SPON1: variants seen among roughly 807,000 people sequenced by gnomAD.
SPON1 encodes the protein spondin 1.
A neutral mutation model predicts 111.7 loss-of-function variants in SPON1; 52 were observed. The ratio of observed to expected loss-of-function variants is 0.47; its 90% CI spans 0.37 to 0.59. The LOEUF (loss-of-function observed/expected upper bound fraction) is 0.59, where lower values mean the gene tolerates loss of function less well. Ranked by LOEUF, SPON1 falls within the 20% of genes least tolerant of loss-of-function variation. SPON1 has a pLI of 0.00. For missense variants in SPON1, 957 were observed against 1,068.5 expected (o/e 0.90, Z 1.46); for synonymous variants, 410 against 395.8 (o/e 1.04, Z -0.43).
chr11:14,087,905 G>T (rs1362033327), intron 5 of SPON1, among the ~76,000 whole-genome samples: 1 of 152,074 alleles, frequency 6.6e-6, no homozygotes, highest in African/African-American at 2.4e-5. Flanking sequence ...GCCCTTCTTT[G>T]TCTTTTTTGA....
chr11:14,035,079 GTACTATTCACTTT>G (rs1848584593), intron 2 of SPON1, among the ~76,000 whole-genome samples: 1 of 152,214 alleles, frequency 6.6e-6, no homozygotes, highest in Admixed American at 6.5e-5. Flanking sequence ...TGAAGCAAAA[GTACTATTCACTTT>G]TACCAAGTAC....
intron 1 of SPON1, among the ~76,000 whole-genome samples, chr11:13,970,702 T>G (rs1160040325): frequency 1.3e-5 from 2 of 152,232 alleles, no homozygotes; most frequent in Non-Finnish European, 2.9e-5. Flanking sequence ...ATCCTTGCTC[T>G]TCATGCCTGG....
chr11:14,180,414 A>G (rs1554933580), intron 6 of SPON1, among the ~76,000 whole-genome samples: 1 of 152,198 alleles, frequency 6.6e-6, no homozygotes, highest in African/African-American at 2.4e-5. Flanking sequence ...TCCTCCGCAG[A>G]TATTTCATGC....
intron 5 of SPON1, among the ~76,000 whole-genome samples, chr11:14,098,197 C>T (rs995473925): frequency 5.3e-5 from 8 of 152,162 alleles, no homozygotes; most frequent in East Asian, 1.9e-4. Context: ...GGGGTTTCAC[C>T]GTGTTAGCCA....
intron 2 of SPON1, among the ~76,000 whole-genome samples, chr11:14,019,640 G>T (rs1334233683): frequency 6.6e-6 from 1 of 152,132 alleles, no homozygotes; most frequent in Non-Finnish European, 1.5e-5. Context: ...TTTATCATGG[G>T]TTCTTTTATT....
intron 6 of SPON1, among the ~76,000 whole-genome samples, chr11:14,184,681 A>G (rs765690897): frequency 1.3e-5 from 2 of 152,160 alleles, no homozygotes; most frequent in African/African-American, 2.4e-5. Flanking sequence ...GGCTTTCCCC[A>G]TAACTACTGT....
At chr11:14,196,673 T>C (rs1180408689) in intron 6 of SPON1, among the ~76,000 whole-genome samples, 4 of 152,174 alleles carry the variant, frequency 2.6e-5, no homozygotes, top group African/African-American at 9.7e-5. Context: ...TTCCCCTAGG[T>C]GTTTCCCTGT....
rs1274629781 is a variant in SPON1, at chr11:14,160,955, ATATATATT to A, written c.825+25395_825+25402del. Among the ~76,000 whole-genome samples the A allele has an allele frequency of 8.5e-5, 4 of 46,792 alleles. 1 individual carries two copies. The highest frequency in any genetic ancestry group is 1.4e-4 in the Non-Finnish European group (4 of 27,766). 30.7% of individuals were successfully genotyped at this position (46,792 alleles called of 152,430 possible). ...TATTTATATATATATTTATATATTTATATATATTTATATATATTTTTATATATTTATAT... is the reference window on the plus strand; with the variant it reads ...TATTTATATATATATTTATATATTTATATATATATTTTTATATATTTATAT... On this transcript the variant is annotated intron_variant, in intron 6 of 15. Transcript: ENST00000576479.
At chr11:14,035,481 C>G (rs1455842893) in intron 2 of SPON1, among the ~76,000 whole-genome samples, 1 of 152,058 alleles carries the variant, frequency 6.6e-6, no homozygotes, top group Non-Finnish European at 1.5e-5. Context: ...TAATAACCAT[C>G]TAGGGAAACA....
At chr11:14,142,626 C>T (rs1226283999) in intron 6 of SPON1, among the ~76,000 whole-genome samples, 3 of 152,188 alleles carry the variant, frequency 2.0e-5, no homozygotes, top group African/African-American at 4.8e-5. Context: ...GGAGCTAGTT[C>T]GATGCCACCT....
At chr11:13,965,919 T>A (rs1383162069) in intron 1 of SPON1, among the ~76,000 whole-genome samples, 1 of 152,216 alleles carries the variant, frequency 6.6e-6, no homozygotes, top group Non-Finnish European at 1.5e-5. Context: ...CTCACAATCC[T>A]TGGAATCAAT....
chr11:14,160,033 TA>T (rs1176503364), intron 6 of SPON1, among the ~76,000 whole-genome samples: 23 of 152,016 alleles, frequency 1.5e-4, no homozygotes, highest in African/African-American at 5.1e-4. Flanking sequence ...TTAAATAACT[TA>T]AAGAGTATAA....
intron 6 of SPON1, among the ~76,000 whole-genome samples, chr11:14,218,862 T>C (rs1273435622): frequency 3.9e-5 from 6 of 152,226 alleles, no homozygotes; most frequent in Non-Finnish European, 7.3e-5. Flanking sequence ...TGAAATTAGC[T>C]CTGTCTGTTG....
chr11:14,203,125 G>T (rs781938546), intron 6 of SPON1, among the ~76,000 whole-genome samples: 50 of 152,290 alleles, frequency 3.3e-4, no homozygotes, highest in Non-Finnish European at 7.1e-4. Flanking sequence ...TCCTTAGAAT[G>T]TATTTCAAAA....
intron 3 of SPON1, among the ~76,000 whole-genome samples, chr11:14,075,030 A>G (rs1848906014): frequency 6.6e-6 from 1 of 152,226 alleles, no homozygotes; most frequent in African/African-American, 2.4e-5. Context: ...ACCATTGAGA[A>G]AAGTTATTAA....
intron 6 of SPON1, among the ~76,000 whole-genome samples, chr11:14,166,780 A>G (rs2133879006): frequency 6.6e-6 from 1 of 152,306 alleles, no homozygotes; most frequent in African/African-American, 2.4e-5. Flanking sequence ...ACATTTATAC[A>G]AACACAGTCC....
chr11:14,000,496 CT>C (rs1848308735), intron 2 of SPON1, among the ~76,000 whole-genome samples: 1 of 152,206 alleles, frequency 6.6e-6, no homozygotes, highest in African/African-American at 2.4e-5. Flanking sequence ...CTGTTCAGCA[CT>C]ATAATAGGGC....
At chr11:14,166,039 G>T (rs1848025841) in intron 6 of SPON1, among the ~76,000 whole-genome samples, 1 of 152,084 alleles carries the variant, frequency 6.6e-6, no homozygotes, top group South Asian at 2.1e-4. Flanking sequence ...TTAGAAAGTG[G>T]CATTCTTTAA....
At chr11:14,232,238 C>T (rs1160693424) in intron 6 of SPON1, among the ~76,000 whole-genome samples, 5 of 152,010 alleles carry the variant, frequency 3.3e-5, no homozygotes, top group South Asian at 4.2e-4. Flanking sequence ...ATATTTTCCC[C>T]GGAGAGCTAA....
Sources: allele counts gnomAD v4.1 joint callset (sites outside exome capture counted in the v4.1 genomes callset), GRCh38; gene constraint gnomAD v4.1.1; transcripts MANE v1.5; gene names NCBI Gene and HGNC (gene_info 2026-07-23, HGNC 2026-07-21).